Variants in RPS6KA2 observed in about 807,000 individuals in gnomAD.
The protein encoded by RPS6KA2 is ribosomal protein S6 kinase alpha-2.
A neutral mutation model predicts 91.8 loss-of-function variants in RPS6KA2; 42 were observed. That is an observed-to-expected ratio of 0.46 (90% CI 0.36 to 0.59). The LOEUF (loss-of-function observed/expected upper bound fraction) is 0.59, where lower values mean the gene tolerates loss of function less well. RPS6KA2 is among the 20% of genes least tolerant of loss of function. The pLI, the probability that RPS6KA2 is intolerant of heterozygous loss-of-function variation, is 0.00. For synonymous variants in RPS6KA2, 414 were observed against 393.6 expected (o/e 1.05, Z -0.61); for missense variants, 798 against 978.5 (o/e 0.82, Z 2.46).
chr6:166,766,582 GT>G (rs924794378), intron 2 of RPS6KA2, among the ~76,000 whole-genome samples: 3 of 152,150 alleles, frequency 2.0e-5, no homozygotes, highest in Non-Finnish European at 4.4e-5. Context: ...TTGATGTACT[GT>G]TTTTTCCCCT....
At chr6:166,431,329 A>T (rs1051171886) in intron 15 of RPS6KA2, among the ~76,000 whole-genome samples, 4 of 152,230 alleles carry the variant, frequency 2.6e-5, no homozygotes, top group African/African-American at 9.6e-5. Flanking sequence ...CGTGCATCCA[A>T]TCCAATCTTG....
At chr6:166,427,822 C>T (rs1778980215) in intron 16 of RPS6KA2, among the ~76,000 whole-genome samples, 1 of 152,184 alleles carries the variant, frequency 6.6e-6, no homozygotes, top group South Asian at 2.1e-4. Context: ...AATGGAAGAA[C>T]ATTCCATGCT....
chr6:166,861,353 G>A (rs1408572236), intron 1 of RPS6KA2, among the ~76,000 whole-genome samples: 4 of 90,696 alleles, frequency 4.4e-5, no homozygotes, highest in Non-Finnish European at 1.3e-4. Context: ...CACAGAACAG[G>A]TATATCTAAT....
At chr6:166,703,199 G>C (rs1789578873) in intron 2 of RPS6KA2, among the ~76,000 whole-genome samples, 1 of 152,196 alleles carries the variant, frequency 6.6e-6, no homozygotes, top group South Asian at 2.1e-4. Flanking sequence ...ATTAGCTGCG[G>C]AATGCTTATT....
chr6:166,633,675 A>T (rs2128546796), intron 2 of RPS6KA2, among the ~76,000 whole-genome samples: 1 of 152,346 alleles, frequency 6.6e-6, no homozygotes, highest in East Asian at 1.9e-4. Flanking sequence ...AATATTTGTA[A>T]AACATTATGG....
At chr6:166,793,398 G>A (rs2128614973) in intron 2 of RPS6KA2, among the ~76,000 whole-genome samples, 1 of 149,918 alleles carries the variant, frequency 6.7e-6, no homozygotes, top group Non-Finnish European at 1.5e-5. Flanking sequence ...TGGGTAGGAA[G>A]AATCAATATC....
intron 1 of RPS6KA2, among the ~76,000 whole-genome samples, chr6:166,598,909 T>C (rs1482307000): frequency 1.3e-5 from 2 of 152,190 alleles, no homozygotes; most frequent in Non-Finnish European, 2.9e-5. Context: ...TCTCAAGTGG[T>C]CCTCCAGGTG....
In RPS6KA2 at chr6:166,493,110, C is replaced by T. The variant is rs1338913609; in HGVS notation, c.748-2369G>A. Among the ~76,000 whole-genome samples the T allele has an allele frequency of 6.6e-6, 1 of 152,038 alleles. No individual in the cohort carries two copies. The highest frequency in any genetic ancestry group is 1.5e-5 in the Non-Finnish European group (1 of 68,006). ...GCTTTGTGGTTCTCTCTCTTCCTCC[C>T]CTTCTTCCTCCATCCATATGGTAGG... is the stretch of plus-strand genomic sequence containing the variant. On this transcript the variant is annotated intron_variant, in intron 8 of 20. Transcript: ENST00000265678. This position sits in a 1 kb window ranked among gnomAD's most constrained non-coding sequence, Gnocchi z 4.7.
chr6:166,766,507 T>C (rs895329748), intron 2 of RPS6KA2, among the ~76,000 whole-genome samples: 4 of 152,262 alleles, frequency 2.6e-5, no homozygotes, highest in Middle Eastern at 3.2e-3. Context: ...TTCAAGCTTT[T>C]TCTAAAAATC....
At chr6:166,442,547 T>G (rs1183334891) in intron 14 of RPS6KA2, among the ~76,000 whole-genome samples, 2 of 152,216 alleles carry the variant, frequency 1.3e-5, no homozygotes, top group African/African-American at 4.8e-5. Context: ...TGGCACGTAC[T>G]GAGTATGAAG....
At chr6:166,748,295 A>G (rs1272537195) in intron 2 of RPS6KA2, among the ~76,000 whole-genome samples, 1 of 152,118 alleles carries the variant, frequency 6.6e-6, no homozygotes. Flanking sequence ...TCCCACTGCC[A>G]GCGCCACCAC....
At chr6:166,813,673 C>T (rs190744831) in intron 2 of RPS6KA2, among the ~76,000 whole-genome samples, 6 of 152,286 alleles carry the variant, frequency 3.9e-5, no homozygotes, top group Admixed American at 1.3e-4. Flanking sequence ...TGTATAGATG[C>T]GTCACTCCAG....
At chr6:166,574,625 T>G (rs945968517) in intron 1 of RPS6KA2, among the ~76,000 whole-genome samples, 1 of 152,216 alleles carries the variant, frequency 6.6e-6, no homozygotes, top group Non-Finnish European at 1.5e-5. Flanking sequence ...AAAATACAAG[T>G]GCATGTGTCT....
intron 12 of RPS6KA2, among the ~76,000 whole-genome samples, chr6:166,453,212 C>CAG (rs1350802251): frequency 6.9e-6 from 1 of 145,370 alleles, no homozygotes; most frequent in East Asian, 2.0e-4. Context: ...CACACACACA[C>CAG]ACACACACAC....
intron 2 of RPS6KA2, among the ~76,000 whole-genome samples, chr6:166,773,388 T>C (rs867407474): frequency 0.05 from 6,469 of 130,516 alleles, 465 homozygotes; most frequent in African/African-American, 0.25. Context: ...TTCTTTTCGT[T>C]TTTTTTTGTT....
At chr6:166,601,811 T>G (rs556060087) in intron 1 of RPS6KA2, among the ~76,000 whole-genome samples, 1 of 152,264 alleles carries the variant, frequency 6.6e-6, no homozygotes, top group South Asian at 2.1e-4. Context: ...AACAGATCAC[T>G]TTTACAACTT....
In RPS6KA2 at chr6:166,488,946, G is replaced by A; in HGVS notation, c.819-25C>T. On this transcript the variant is annotated intron_variant, in intron 9 of 20. Coordinates refer to ENST00000265678, the MANE Select transcript of RPS6KA2 (RefSeq NM_021135.6). Reference sequence around the variant, plus strand: ...TCTGAAAAACAAGATCCTATTTTAGGATCTATTTTAGGAGAACAAGGACAA... The same window carrying A: ...TCTGAAAAACAAGATCCTATTTTAGAATCTATTTTAGGAGAACAAGGACAA... The A allele has an allele frequency of 3.1e-6, 5 of 1,591,884 alleles. No homozygotes were observed. The South Asian group carries it at 4.5e-5, about 14-fold the overall frequency.
At chr6:166,769,809 C>T (rs922551973) in intron 2 of RPS6KA2, among the ~76,000 whole-genome samples, 8 of 152,182 alleles carry the variant, frequency 5.3e-5, no homozygotes, top group African/African-American at 1.7e-4. Flanking sequence ...GCCCCAGCGA[C>T]GGGGCTGAGA....
rs1206617117 is a variant in RPS6KA2, at chr6:166,702,463, T to C, written c.123+155737A>G. 2.5e-6 allele frequency: 4 copies of C among 1,585,014 alleles called. No individual in the cohort carries two copies. In the African/African-American group the frequency reaches 4.0e-5, roughly 16 times the overall value. On this transcript the variant is annotated intron_variant, in intron 2 of 21. Coordinates refer to the RPS6KA2 transcript ENST00000503859. The stretch of plus-strand genomic sequence containing the variant: ...TTGTCTAGCTTGGTCCTTACTGGAA[T>C]AGGTTACATTTACAACTGCAGTTTC...
Sources: gnomAD v4.1 joint callset for allele counts (sites outside exome capture counted in the v4.1 genomes callset) on GRCh38, gnomAD v4.1.1 for gene constraint, Gnocchi (gnomAD v3.1) non-coding constraint, MANE v1.5 for transcripts, NCBI Gene and HGNC (gene_info 2026-07-23, HGNC 2026-07-21) for gene names.